PARP8: variants seen among roughly 807,000 people sequenced by gnomAD.
PARP8 encodes the protein protein mono-ADP-ribosyltransferase PARP8.
PARP8 carries 51 observed loss-of-function variants against 124.1 expected under a neutral mutation model. The ratio of observed to expected loss-of-function variants is 0.41; its 90% CI spans 0.33 to 0.52. The LOEUF (loss-of-function observed/expected upper bound fraction) is 0.52, where lower values mean the gene tolerates loss of function less well. PARP8 is among the 20% of genes least tolerant of loss of function. The pLI, the probability that PARP8 is intolerant of heterozygous loss-of-function variation, is 0.21. For missense variants in PARP8, 860 were observed against 1,018.9 expected (o/e 0.84, Z 2.12); for synonymous variants, 391 against 361.5 (o/e 1.08, Z -0.93).
At chr5:50,729,715 A>G (rs1416522893) in intron 2 of PARP8, among the ~76,000 whole-genome samples, 1 of 152,120 alleles carries the variant, frequency 6.6e-6, no homozygotes, top group East Asian at 1.9e-4. Context: ...AGCTGTCTCA[A>G]ATGTTTTTCC....
At chr5:50,826,900 C>T in intron 19 of PARP8, 97 bp downstream of exon 19, 1 of 1,482,402 alleles carries the variant, frequency 6.7e-7, no homozygotes, top group Non-Finnish European at 9.0e-7. Flanking sequence ...CCAGACTCTC[C>T]AAGAATTGAA....
intron 10 of PARP8, among the ~76,000 whole-genome samples, chr5:50,793,343 G>T (rs753398457): frequency 1.3e-5 from 2 of 152,134 alleles, no homozygotes; most frequent in Non-Finnish European, 2.9e-5. Context: ...AAAATTTCAT[G>T]TCTACTTAAG....
At chr5:50,700,247 A>G (rs1183712068) in intron 2 of PARP8, among the ~76,000 whole-genome samples, 4 of 152,190 alleles carry the variant, frequency 2.6e-5, no homozygotes, top group Non-Finnish European at 4.4e-5. Context: ...TGTTGCTACT[A>G]TGCTGAAAAG....
chr5:50,840,636 C>T (rs1161937995), intron 25 of PARP8, among the ~76,000 whole-genome samples: 5 of 151,614 alleles, frequency 3.3e-5, no homozygotes, highest in Non-Finnish European at 4.4e-5. Flanking sequence ...AAAACTTGAA[C>T]GGGGCTGAAA....
chr5:50,744,417 T>G lies in PARP8; in HGVS notation c.147-5734T>G, dbSNP rs951153615. ...AACAGAATACAGGATTAGGTAGATATGGAGCAACTGACAGCTGCTTTGGGA... is the reference window on the plus strand; with the variant it reads ...AACAGAATACAGGATTAGGTAGATAGGGAGCAACTGACAGCTGCTTTGGGA... On this transcript the variant is annotated intron_variant, in intron 2 of 25. Transcript: ENST00000281631. Among the ~76,000 whole-genome samples the G allele has an allele frequency of 2.0e-5, 3 of 152,206 alleles. No homozygotes were observed. The East Asian group carries it at 5.8e-4, about 29-fold the overall frequency.
chr5:50,718,046 A>T (rs1205332088), intron 2 of PARP8, among the ~76,000 whole-genome samples: 4 of 152,038 alleles, frequency 2.6e-5, no homozygotes, highest in African/African-American at 7.2e-5. Flanking sequence ...GCTTGGAAAA[A>T]TTATACTAGG....
At position 50,822,580 on chromosome 5, in the gene PARP8, G is replaced by A. The variant is rs564408404; in HGVS notation, c.1860+180G>A. ...TAACACTGTGACTTCAGGAAAGTAA[G>A]TGGATAATTATAAGATAATTATACT... On this transcript the variant is annotated intron_variant, in intron 17 of 25. Transcript: ENST00000281631. Among the ~76,000 whole-genome samples, 7 of 152,282 alleles carry A rather than the reference G, an allele frequency of 4.6e-5. No homozygotes were observed. In the East Asian group the frequency reaches 1.3e-3, roughly 29 times the overall value.
chr5:50,705,361 C>T (rs1421381808), intron 2 of PARP8, among the ~76,000 whole-genome samples: 2 of 151,934 alleles, frequency 1.3e-5, no homozygotes, highest in Non-Finnish European at 2.9e-5. Flanking sequence ...TTCAAGTCAC[C>T]AAGGTGCAAA....
At chr5:50,692,509 GTTTCTTAGCACAGTGTT>G (rs1275262546) in intron 2 of PARP8, among the ~76,000 whole-genome samples, 1 of 151,518 alleles carries the variant, frequency 6.6e-6, no homozygotes, top group Non-Finnish European at 1.5e-5. Context: ...TTTTGGTCTT[GTTTCTTAGCACAGTGTT>G]TTTTTTTCTT....
chr5:50,816,701 G>T (rs185908222), intron 15 of PARP8, among the ~76,000 whole-genome samples: 1 of 151,926 alleles, frequency 6.6e-6, no homozygotes, highest in Non-Finnish European at 1.5e-5. Flanking sequence ...CTATAGCTTC[G>T]TATTTCCCCC....
At chr5:50,792,744 T>G (rs1237166382) in intron 10 of PARP8, among the ~76,000 whole-genome samples, 1 of 152,158 alleles carries the variant, frequency 6.6e-6, no homozygotes, top group Non-Finnish European at 1.5e-5. Context: ...TACTGTGAAT[T>G]TGGAATCATG....
At chr5:50,815,943 G>A (rs1171227588) in intron 15 of PARP8, among the ~76,000 whole-genome samples, 1 of 151,932 alleles carries the variant, frequency 6.6e-6, no homozygotes, top group Non-Finnish European at 1.5e-5. Context: ...GTTTTACAGA[G>A]CAGTGTTTCA....
chr5:50,789,845 T>C (rs1232339563), intron 10 of PARP8, among the ~76,000 whole-genome samples: 1 of 152,210 alleles, frequency 6.6e-6, no homozygotes, highest in Non-Finnish European at 1.5e-5. Flanking sequence ...ATGATCACTT[T>C]TATTTTAATG....
At chr5:50,790,961 T>A (rs1474100272) in intron 10 of PARP8, among the ~76,000 whole-genome samples, 1 of 152,174 alleles carries the variant, frequency 6.6e-6, no homozygotes, top group Admixed American at 6.6e-5. Context: ...TTAAGGTCAC[T>A]GCCAGCCTAA....
At chr5:50,747,163 GTTTTTT>G (rs1211253892) in intron 2 of PARP8, among the ~76,000 whole-genome samples, 1 of 95,504 alleles carries the variant, frequency 1.0e-5, no homozygotes, top group African/African-American at 4.1e-5. Flanking sequence ...TGTTTGTTTT[GTTTTTT>G]TTTTTTTTTT....
chr5:50,751,442 T>G (rs1412459295), intron 3 of PARP8, among the ~76,000 whole-genome samples: 1 of 152,198 alleles, frequency 6.6e-6, no homozygotes, highest in African/African-American at 2.4e-5. Context: ...TATATATATT[T>G]AATCTGTTTG....
chr5:50,799,131 A>T (rs1742901724), intron 14 of PARP8, among the ~76,000 whole-genome samples: 1 of 152,188 alleles, frequency 6.6e-6, no homozygotes, highest in Non-Finnish European at 1.5e-5. Context: ...TGTTGCGTCT[A>T]AAAAGTAATT....
intron 14 of PARP8, 129 bp downstream of exon 14, chr5:50,797,362 T>TGTAA: frequency 1.6e-6 from 1 of 641,258 alleles, no homozygotes; most frequent in Non-Finnish European, 2.5e-6. Context: ...ATTATTTACA[T>TGTAA]ATAATTTTGA....
chr5:50,753,892 C>A (rs979076888), intron 3 of PARP8, among the ~76,000 whole-genome samples: 9 of 151,006 alleles, frequency 6.0e-5, no homozygotes, highest in Non-Finnish European at 1.3e-4. Flanking sequence ...TCATCTCTCC[C>A]CAAGTCTCAA....
Sources: gnomAD v4.1 joint callset for allele counts (sites outside exome capture counted in the v4.1 genomes callset) on GRCh38, gnomAD v4.1.1 for gene constraint, MANE v1.5 for transcripts, NCBI Gene and HGNC (gene_info 2026-07-23, HGNC 2026-07-21) for gene names.